Variants in ATL1 observed in about 807,000 individuals in gnomAD.
The protein encoded by ATL1 is atlastin GTPase 1, also known as atlastin-1.
In ATL1, 31 loss-of-function variants were observed where a neutral mutation model predicts 75.5. The ratio of observed to expected loss-of-function variants is 0.41; its 90% CI spans 0.31 to 0.55. The LOEUF (loss-of-function observed/expected upper bound fraction) is 0.55, where lower values mean the gene tolerates loss of function less well. Ranked by LOEUF, ATL1 falls within the 20% of genes least tolerant of loss-of-function variation. ATL1 has a pLI of 0.27. For missense variants in ATL1, 405 were observed against 662.6 expected (o/e 0.61, Z 4.27); for synonymous variants, 226 against 233.3 (o/e 0.97, Z 0.28).
At chr14:50,561,418 A>C (rs1159616203) in intron 1 of ATL1, among the ~76,000 whole-genome samples, 3 of 152,230 alleles carry the variant, frequency 2.0e-5, no homozygotes, top group Non-Finnish European at 4.4e-5. Context: ...TGTTATTTAG[A>C]AATTGTTATT....
intron 6 of ATL1, among the ~76,000 whole-genome samples, chr14:50,609,690 G>A (rs1281738521): frequency 6.6e-6 from 1 of 151,922 alleles, no homozygotes; most frequent in African/African-American, 2.4e-5. Flanking sequence ...TTTTATTCTA[G>A]CTCTGCCCAC....
intron 1 of ATL1, among the ~76,000 whole-genome samples, chr14:50,543,636 G>A (rs1194036214): frequency 6.6e-6 from 1 of 152,158 alleles, no homozygotes; most frequent in Non-Finnish European, 1.5e-5. Flanking sequence ...AGGATCAATC[G>A]TGGTGCTGGC....
chr14:50,546,365 G>GGT (rs143447484), intron 1 of ATL1, among the ~76,000 whole-genome samples: 2 of 150,750 alleles, frequency 1.3e-5, no homozygotes, highest in African/African-American at 4.9e-5. Flanking sequence ...AAAGGTACTG[G>GGT]GTGTGTGTGT....
At chr14:50,570,425 G>A (rs1278095580) in intron 1 of ATL1, among the ~76,000 whole-genome samples, 1 of 151,852 alleles carries the variant, frequency 6.6e-6, no homozygotes, top group Non-Finnish European at 1.5e-5. Context: ...GCCCAGGCTA[G>A]AGTGTAGTGG....
intron 6 of ATL1, among the ~76,000 whole-genome samples, chr14:50,599,027 A>C (rs1370943019): frequency 6.6e-6 from 1 of 152,250 alleles, no homozygotes; most frequent in African/African-American, 2.4e-5. Flanking sequence ...TTCTGAACTG[A>C]GGTGAAGAAA....
intron 1 of ATL1, among the ~76,000 whole-genome samples, chr14:50,585,676 G>A (rs2039094955): frequency 6.6e-6 from 1 of 152,078 alleles, no homozygotes; most frequent in Non-Finnish European, 1.5e-5. Flanking sequence ...TCTGATATGG[G>A]TACCATTATG....
chr14:50,552,264 T>C (rs1298406169), intron 1 of ATL1, among the ~76,000 whole-genome samples: 2 of 142,856 alleles, frequency 1.4e-5, no homozygotes, highest in South Asian at 2.3e-4. Context: ...TTACAACAGC[T>C]GCAAAAAAAA....
intron 1 of ATL1, among the ~76,000 whole-genome samples, chr14:50,552,667 T>C (rs1314421554): frequency 6.6e-6 from 1 of 152,116 alleles, no homozygotes; most frequent in African/African-American, 2.4e-5. Flanking sequence ...AAAATAGGCA[T>C]GTAGACCAAT....
At position 50,632,073 on chromosome 14, in the gene ATL1, T is replaced by C. The variant is rs568292535; in HGVS notation, c.1567-156T>C. ...AATGCACACATTGAGGAGTTGAAAA[T>C]ACTTTTGAATTTTAAGATAATAATT... On this transcript the variant is annotated intron_variant, in intron 13 of 13. Transcript: ENST00000358385. 1.2e-4 allele frequency: 66 copies of C among 532,356 alleles called. No individual in the cohort carries two copies. The South Asian group carries it at 1.6e-3, about 13-fold the overall frequency. The allele number at this position is 532,356 out of a possible 1,614,324, so 33.0% of individuals were successfully genotyped here.
intron 6 of ATL1, among the ~76,000 whole-genome samples, chr14:50,600,527 T>C (rs2039262332): frequency 6.6e-6 from 1 of 152,150 alleles, no homozygotes; most frequent in African/African-American, 2.4e-5. Context: ...AAATACATTA[T>C]AAAATCAAAA....
Position 50,587,875 on chromosome 14 carries a change from G to T in ATL1, c.79G>T (p.Glu27Ter). 2 of 1,614,130 alleles carry T rather than the reference G, an allele frequency of 1.2e-6. No homozygotes were observed. Among genetic ancestry groups the T allele is most frequent in the Non-Finnish European group, 1.7e-6 (2 of 1,180,010 alleles). The change falls in exon 2 of 14, where the codon GAG becomes TAG. Residue 27 changes from glutamate to a stop codon, truncating the protein, a stop_gained. Transcript: ENST00000358385. LOFTEE classifies it high-confidence loss of function. ...ATATGAATGGAGCTCAGAAGAGGAG[G>T]AGCCAGTGAAAAAGGCAGGACCAGT... ...KTYEWSSEEE[E>*]PVKKAGPVQV...
At chr14:50,572,987 G>A (rs778155493) in intron 1 of ATL1, among the ~76,000 whole-genome samples, 1 of 152,140 alleles carries the variant, frequency 6.6e-6, no homozygotes, top group Non-Finnish European at 1.5e-5. Context: ...GGTTGCAGGA[G>A]AGAGAAGCGC....
intron 11 of ATL1, among the ~76,000 whole-genome samples, chr14:50,625,458 A>G (rs113309256): frequency 6.6e-6 from 1 of 152,240 alleles, no homozygotes; most frequent in African/African-American, 2.4e-5. Context: ...TTCAATATGG[A>G]TGAAATAGTC....
At chr14:50,533,409 C>G (rs982446540) in intron 1 of ATL1, 6 of 151,866 alleles carry the variant, frequency 4.0e-5, no homozygotes, top group African/African-American at 2.4e-5. Flanking sequence ...GTTTATAAAG[C>G]GTTTTACAGG....
intron 1 of ATL1, among the ~76,000 whole-genome samples, chr14:50,587,541 C>G (rs906643391): frequency 6.6e-6 from 1 of 151,460 alleles, no homozygotes; most frequent in Non-Finnish European, 1.5e-5. Flanking sequence ...CTCCTGAGAG[C>G]TGGGACCACA....
At chr14:50,570,078 A>G (rs1383641023) in intron 1 of ATL1, among the ~76,000 whole-genome samples, 1 of 152,150 alleles carries the variant, frequency 6.6e-6, no homozygotes, top group Non-Finnish European at 1.5e-5. Context: ...TCAGATGTTT[A>G]TCTTTCATCA....
At chr14:50,563,538 T>C (rs1363686629) in intron 1 of ATL1, among the ~76,000 whole-genome samples, 1 of 151,986 alleles carries the variant, frequency 6.6e-6, no homozygotes, top group East Asian at 1.9e-4. Context: ...AATGAGAAAA[T>C]ACAGTGATTT....
At chr14:50,620,896 A>G (rs954168606) in intron 9 of ATL1, among the ~76,000 whole-genome samples, 170 bp downstream of exon 9, 9 of 152,204 alleles carry the variant, frequency 5.9e-5, no homozygotes, top group African/African-American at 2.2e-4. Context: ...CCTTTCAGAA[A>G]GCTTACTTTC....
intron 6 of ATL1, among the ~76,000 whole-genome samples, chr14:50,604,952 G>A (rs1027296559): frequency 1.3e-5 from 2 of 152,054 alleles, no homozygotes; most frequent in African/African-American, 4.8e-5. Context: ...AGATGAGGCT[G>A]TAACTGCTCT....
Sources: gnomAD v4.1 joint callset for allele counts (sites outside exome capture counted in the v4.1 genomes callset) on GRCh38, gnomAD v4.1.1 for gene constraint, MANE v1.5 for transcripts, NCBI Gene and HGNC (gene_info 2026-07-23, HGNC 2026-07-21) for gene names.